PCDHA10: variants seen among roughly 807,000 people sequenced by gnomAD.
PCDHA10 encodes the protein protocadherin alpha-10.
In PCDHA10, 45 loss-of-function variants were observed where a neutral mutation model predicts 61.2. The ratio of observed to expected loss-of-function variants is 0.74; its 90% CI spans 0.58 to 0.94. PCDHA10 has a LOEUF of 0.94. Ranked by LOEUF, PCDHA10 falls within the 40% of genes least tolerant of loss-of-function variation. The pLI, the probability that PCDHA10 is intolerant of heterozygous loss-of-function variation, is 0.00. For synonymous variants in PCDHA10, 602 were observed against 548.8 expected (o/e 1.10, Z -1.35); for missense variants, 1,278 against 1,236.2 (o/e 1.03, Z -0.51).
chr5:140,873,928 T>C (rs944678136), intron 1 of PCDHA10, among the ~76,000 whole-genome samples: 1 of 152,216 alleles, frequency 6.6e-6, no homozygotes, highest in Non-Finnish European at 1.5e-5. Flanking sequence ...CCCAAAGTGC[T>C]GGGATTACAG....
rs141028628 is a variant in PCDHA10 at position 140,891,378 on chromosome 5, T to A, written c.2388+32942T>A. Among the ~76,000 whole-genome samples the A allele has an allele frequency of 2.3e-4, 35 of 152,222 alleles. 1 individual carries two copies. The East Asian group carries it at 6.8e-3, about 29-fold the overall frequency. On this transcript the variant is annotated intron_variant, in intron 1 of 3. Coordinates refer to ENST00000307360, the MANE Select transcript of PCDHA10 (RefSeq NM_018901.4). ...CACCTGAGCAGTATACATTGCACCA[T>A]ATTTGCAATCTTTTATCCCTCGCCA...
At chr5:140,877,198 G>C (rs781787046) in intron 1 of PCDHA10, 26 of 1,613,712 alleles carry the variant, frequency 1.6e-5, no homozygotes, top group Non-Finnish European at 2.2e-5. Flanking sequence ...CGCAGGAGGC[G>C]CAGTTAGCGA....
chr5:140,858,372 C>CACATCT lies in PCDHA10; in HGVS notation c.2326_2327insATCTAC (p.Pro775_Pro776insHisLeu). ...CTCATGGCCTTCAGCCCCAGCCTTC[C>CACATCT]ACCATGCCCAATGGTAGATGTGGAC... On this transcript the variant is annotated inframe_insertion, in exon 1 of 4. Transcript: ENST00000307360. 1 of 1,587,864 alleles carries CACATCT rather than the reference C, an allele frequency of 6.3e-7. No individual in the cohort carries two copies. The highest frequency in any genetic ancestry group is 8.6e-7 in the Non-Finnish European group (1 of 1,160,892).
intron 1 of PCDHA10, among the ~76,000 whole-genome samples, chr5:140,932,398 T>C (rs1163806647): frequency 6.6e-6 from 1 of 151,960 alleles, no homozygotes; most frequent in Non-Finnish European, 1.5e-5. Flanking sequence ...AGTTTCAACA[T>C]ACCAATGTTA....
intron 1 of PCDHA10, among the ~76,000 whole-genome samples, chr5:140,892,256 A>AT (rs1283359328): frequency 6.6e-6 from 1 of 151,996 alleles, no homozygotes; most frequent in Non-Finnish European, 1.5e-5. Context: ...GTTATCTTTG[A>AT]TTTTGTGCTG....
At chr5:140,985,167 G>C (rs905296036) in intron 3 of PCDHA10, among the ~76,000 whole-genome samples, 2 of 152,176 alleles carry the variant, frequency 1.3e-5, no homozygotes, top group Admixed American at 1.3e-4. Context: ...TCAATCTCCT[G>C]ACCTCGTAAT....
In PCDHA10 at chr5:140,883,790, G is replaced by T. The variant is rs200436467; in HGVS notation, c.2388+25354G>T. ...GGGCGAGCGTGCGCTGTCGAGCTAC[G>T]TGTCGGTGCACGCGGAGAGCGGCAA... On this transcript the variant is annotated intron_variant, in intron 1 of 3. Coordinates refer to ENST00000307360, the MANE Select transcript of PCDHA10 (RefSeq NM_018901.4). The T allele has an allele frequency of 3.5e-5, 57 of 1,612,406 alleles. No homozygotes were observed. The highest frequency in any genetic ancestry group is 4.3e-5 in the Non-Finnish European group (51 of 1,179,760).
rs116377419 is a variant in PCDHA10, at chr5:140,884,621, G to A, written c.2388+26185G>A. On this transcript the variant is annotated intron_variant, in intron 1 of 3. Coordinates refer to ENST00000307360, the MANE Select transcript of PCDHA10 (RefSeq NM_018901.4). ...TCCTCCTTGTCTGGGTTCTGCAGAG[G>A]GAACAGGCCAGAGGGAGGAGGACTC... 8.0e-4 allele frequency: 1,287 copies of A among 1,613,996 alleles called. 6 individuals carry two copies. The African/African-American group carries it at 0.016, about 20-fold the overall frequency.
At chr5:140,869,669 T>C (rs1461591468) in intron 1 of PCDHA10, 49 of 1,613,358 alleles carry the variant, frequency 3.0e-5, no homozygotes, top group Non-Finnish European at 4.1e-5. Context: ...GGTAAGCAGA[T>C]TAAAAGACTG....
At chr5:140,967,355 C>G in intron 1 of PCDHA10, 1 of 1,608,112 alleles carries the variant, frequency 6.2e-7, no homozygotes, top group Non-Finnish European at 8.5e-7. Context: ...CGAGCTGGAC[C>G]TTAAGCCCCT....
At chr5:140,876,999 G>T (rs368334312) in intron 1 of PCDHA10, 2 of 1,612,546 alleles carry the variant, frequency 1.2e-6, no homozygotes, top group Non-Finnish European at 1.7e-6. Flanking sequence ...GCTACGTGTC[G>T]GTGCACGCGG....
intron 1 of PCDHA10, chr5:140,875,980 T>A: frequency 6.2e-7 from 1 of 1,614,062 alleles, no homozygotes; most frequent in East Asian, 2.2e-5. Context: ...TCTTTTGACC[T>A]ATGCGTTAAG....
intron 3 of PCDHA10, among the ~76,000 whole-genome samples, chr5:140,989,551 C>T (rs964653534): frequency 2.0e-5 from 3 of 152,178 alleles, no homozygotes; most frequent in African/African-American, 4.8e-5. Flanking sequence ...AATTCCTTTA[C>T]GTTTTGTGGC....
chr5:140,871,919 A>G (rs1434717967), intron 1 of PCDHA10, among the ~76,000 whole-genome samples: 1 of 152,216 alleles, frequency 6.6e-6, no homozygotes, highest in African/African-American at 2.4e-5. Context: ...TGATATTTCC[A>G]CATTGTTAGA....
At chr5:140,973,697 C>G (rs1474916406) in intron 1 of PCDHA10, among the ~76,000 whole-genome samples, 1 of 152,226 alleles carries the variant, frequency 6.6e-6, no homozygotes, top group Non-Finnish European at 1.5e-5. Context: ...CTGTTTCCTT[C>G]TGACCCAGGA....
chr5:140,926,936 G>A, intron 1 of PCDHA10: 1 of 1,580,648 alleles, frequency 6.3e-7, no homozygotes, highest in Non-Finnish European at 8.6e-7. Context: ...TGGGTTTCCT[G>A]CGGCGCTGCA....
intron 1 of PCDHA10, 163 bp from the exon 2 acceptor site, chr5:140,978,786 G>C (rs2096822943): frequency 1.4e-5 from 14 of 972,674 alleles, no homozygotes; most frequent in Non-Finnish European, 1.3e-5. Context: ...CTTCTAAAGT[G>C]CTATATATGT....
Position 140,858,318 on chromosome 5 carries a change from G to T in PCDHA10, c.2270G>T (p.Cys757Phe). The change falls in exon 1 of 4, where the codon TGT (cysteine) becomes TTT (phenylalanine). Residue 757 changes from cysteine (C) to phenylalanine (F), a missense_variant. Physicochemically the swap from Cys to Phe is radical, Grantham distance 205 (BLOSUM62 -2). Coordinates refer to ENST00000307360, the MANE Select transcript of PCDHA10 (RefSeq NM_018901.4). ...SYSQQRRQRV[C>F]SGEGLPKADL... ...TCGCAGCAGAGGCGGCAGAGGGTGT[G>T]TTCTGGGGAGGGCCTGCCCAAGGCG... 1 of 1,597,070 alleles carries T rather than the reference G, an allele frequency of 6.3e-7. No homozygotes were observed. Among genetic ancestry groups the T allele is most frequent in the Non-Finnish European group, 8.6e-7 (1 of 1,166,920 alleles).
intron 1 of PCDHA10, among the ~76,000 whole-genome samples, chr5:140,919,331 A>G (rs2079089725): frequency 6.6e-6 from 1 of 152,026 alleles, no homozygotes; most frequent in Non-Finnish European, 1.5e-5. Context: ...TTTACTTTCA[A>G]TCTGTTTGTA....
Sources: allele counts gnomAD v4.1 joint callset (sites outside exome capture counted in the v4.1 genomes callset), GRCh38; gene constraint gnomAD v4.1.1; transcripts MANE v1.5; gene names NCBI Gene and HGNC (gene_info 2026-07-23, HGNC 2026-07-21).